The following ZNF682 variants were observed in gnomAD, a reference collection of about 807,000 sequenced individuals.
The protein encoded by ZNF682 is zinc finger protein 682.
Under a neutral mutation model 36.5 loss-of-function variants are expected in ZNF682, and 29 were observed. The ratio of observed to expected loss-of-function variants is 0.80; its 90% confidence interval spans 0.59 to 1.08. ZNF682 has a LOEUF of 1.08. ZNF682 is among the 50% of genes least tolerant of loss of function. The pLI, the probability that ZNF682 is intolerant of heterozygous loss-of-function variation, is 0.00. For missense variants in ZNF682, 561 were observed against 579.7 expected (o/e 0.97, Z 0.33); for synonymous variants, 180 against 197.0 (o/e 0.91, Z 0.72).
Position 20,005,182 on chromosome 19 carries a change from C to T in ZNF682, c.*823G>A, listed in dbSNP as rs922214377. The T allele has an allele frequency of 6.6e-6, 1 of 152,094 alleles. No homozygotes were observed. Among genetic ancestry groups the T allele is most frequent in the Non-Finnish European group, 1.5e-5 (1 of 68,042 alleles). 9.4% of individuals were successfully genotyped at this position (152,094 alleles called of 1,614,324 possible). ...CTCCGCCTCTCGGGTTCACGCCATT[C>T]TCCTGCCTCAGCCTCTCCCAGTAGC... On this transcript the variant is annotated 3_prime_UTR_variant, in exon 4 of 4. Coordinates refer to ENST00000397165, the MANE Select transcript of ZNF682 (RefSeq NM_033196.3).
At chr19:20,021,357 GC>G (rs1302187630) in intron 3 of ZNF682, among the ~76,000 whole-genome samples, 1 of 152,112 alleles carries the variant, frequency 6.6e-6, no homozygotes, top group Non-Finnish European at 1.5e-5. Flanking sequence ...TTTGAGACCA[GC>G]CTGTAATCCC....
intron 3 of ZNF682, among the ~76,000 whole-genome samples, chr19:20,011,469 T>A (rs905459996): frequency 6.6e-6 from 1 of 152,174 alleles, no homozygotes; most frequent in Non-Finnish European, 1.5e-5. Context: ...ACCATAGACA[T>A]CTACAGAATA....
At chr19:20,020,963 T>G (rs562820025) in intron 3 of ZNF682, among the ~76,000 whole-genome samples, 5 of 5,268 alleles carry the variant, frequency 9.5e-4, no homozygotes, top group East Asian at 4.9e-3. Flanking sequence ...CTGAAATGAA[T>G]TAAGTTTTGG....
intron 3 of ZNF682, chr19:20,015,645 G>C (rs193234398): frequency 1.0e-5 from 4 of 384,196 alleles, no homozygotes; most frequent in Non-Finnish European, 1.8e-5. Flanking sequence ...ACCATGACTG[G>C]CTATCCATAA....
intron 3 of ZNF682, chr19:20,015,494 T>C (rs560374335): frequency 4.4e-5 from 38 of 871,268 alleles, no homozygotes; most frequent in Non-Finnish European, 5.1e-5. Context: ...ATATAATGAA[T>C]GTCAAATGGC....
At position 20,034,506 on chromosome 19, in the gene ZNF682, C is replaced by T. The variant is rs575591436; in HGVS notation, c.3+4837G>A. Among the ~76,000 whole-genome samples, 13 of 152,252 alleles carry T rather than the reference C, an allele frequency of 8.5e-5. 1 individual carries two copies. The highest frequency in any genetic ancestry group is 1.3e-4 in the Admixed American group (2 of 15,276). ...TAAAATGAAAAAATAGGGCCAGGCG[C>T]GGTGACTCACGCCTGTAATCCCAAC... On this transcript the variant is annotated intron_variant, in intron 1 of 3. Coordinates refer to ENST00000397165, the MANE Select transcript of ZNF682 (RefSeq NM_033196.3).
In ZNF682 at chr19:20,005,159, C is replaced by T. The variant is rs911806994; in HGVS notation, c.*846G>A. The T allele has an allele frequency of 6.6e-6, 1 of 152,092 alleles. No homozygotes were observed. Among genetic ancestry groups the T allele is most frequent in the African/African-American group, 2.4e-5 (1 of 41,408 alleles). 9.4% of individuals were successfully genotyped at this position (152,092 alleles called of 1,614,324 possible). A position where few individuals can be genotyped will look rare whatever the true frequency, so the allele number is the denominator to read the frequency against. ...GCGCGATCTCGGCTCACTGCAAGCTCCGCCTCTCGGGTTCACGCCATTCTC... is the reference window on the plus strand; with the variant it reads ...GCGCGATCTCGGCTCACTGCAAGCTTCGCCTCTCGGGTTCACGCCATTCTC... On this transcript the variant is annotated 3_prime_UTR_variant, in exon 4 of 4. Coordinates refer to ENST00000397165, the MANE Select transcript of ZNF682 (RefSeq NM_033196.3).
At chr19:20,021,105 G>A (rs991083177) in intron 3 of ZNF682, among the ~76,000 whole-genome samples, 1 of 152,102 alleles carries the variant, frequency 6.6e-6, no homozygotes, top group Non-Finnish European at 1.5e-5. Context: ...TAACACTAAT[G>A]GTAACTGATT....
At chr19:20,023,276 A>C (rs2088403355) in intron 2 of ZNF682, among the ~76,000 whole-genome samples, 177 bp from the exon 3 acceptor site, 1 of 152,168 alleles carries the variant, frequency 6.6e-6, no homozygotes, top group Admixed American at 6.5e-5. Flanking sequence ...AAGCAGGCAC[A>C]TCATGAGGTC....
intron 1 of ZNF682, among the ~76,000 whole-genome samples, chr19:20,035,941 G>C (rs149348920): frequency 0.011 from 1,605 of 152,126 alleles, 27 homozygotes; most frequent in African/African-American, 0.037. Flanking sequence ...TCACTATGTT[G>C]GCCAGGCTGG....
At chr19:20,027,480 C>A (rs1160017203) in intron 1 of ZNF682, among the ~76,000 whole-genome samples, 1 of 152,070 alleles carries the variant, frequency 6.6e-6, no homozygotes, top group African/African-American at 2.4e-5. Flanking sequence ...AGCCTGGGGG[C>A]TAGGCGCTAT....
rs1334816933 is a variant in ZNF682, at chr19:20,039,461, G to A, written c.-116C>T. On this transcript the variant is annotated 5_prime_UTR_variant, in exon 1 of 4. Transcript: ENST00000397165. ...GAACTACTAGAGCAGAGGATACTAA[G>A]CAATGAAGATGGACCCTGAGCTCTG... is the stretch of plus-strand genomic sequence containing the variant. 6.4e-6 allele frequency: 9 copies of A among 1,414,230 alleles called. No individual in the cohort carries two copies. In the East Asian group the frequency reaches 2.1e-4, roughly 33 times the overall value. The allele number at this position is 1,414,230 out of a possible 1,614,324, so 87.6% of individuals were successfully genotyped here.
At chr19:19,996,467 G>A (rs1301640438), downstream of ZNF682, among the ~76,000 whole-genome samples, 2 of 152,188 alleles carry the variant, frequency 1.3e-5, no homozygotes, top group East Asian at 3.8e-4. Flanking sequence ...TAAAGAAAAT[G>A]TGGTACAGGT....
chr19:20,023,174 A>G (rs949261516), intron 2 of ZNF682, 75 bp from the exon 3 acceptor site: 60 of 1,284,490 alleles, frequency 4.7e-5, no homozygotes, highest in Non-Finnish European at 5.8e-5. Context: ...TGCTCTGTAG[A>G]TAAGAGAGAA....
rs540951812 is a variant in ZNF682, at chr19:20,005,744, T to C, written c.*261A>G. The C allele has an allele frequency of 1.1e-4, 50 of 453,996 alleles. No individual in the cohort carries two copies. In the South Asian group the frequency reaches 1.8e-3, roughly 17 times the overall value. The allele number at this position is 453,996 out of a possible 1,614,324, so 28.1% of individuals were successfully genotyped here. A position where few individuals can be genotyped will look rare whatever the true frequency, so the allele number is the denominator to read the frequency against. On this transcript the variant is annotated 3_prime_UTR_variant, in exon 4 of 4. Transcript: ENST00000397165. The stretch of plus-strand genomic sequence containing the variant: ...TATCATTACACTTACATTGCTTTTA[T>C]CTAGCACAAAACCTCTGATGAGTAA...
At chr19:20,031,866 A>C (rs368756855) in intron 1 of ZNF682, among the ~76,000 whole-genome samples, 1 of 142,108 alleles carries the variant, frequency 7.0e-6, no homozygotes, top group African/African-American at 2.6e-5. Flanking sequence ...GGCTAAAAAA[A>C]GGGGAATAGA....
chr19:20,020,348 T>A (rs2088373091), intron 3 of ZNF682, among the ~76,000 whole-genome samples: 1 of 151,830 alleles, frequency 6.6e-6, no homozygotes, highest in African/African-American at 2.4e-5. Context: ...AATACAAAAA[T>A]TAGCTGGGCG....
Position 20,024,358 on chromosome 19 carries a change from C to T in ZNF682, c.22G>A (p.Asp8Asn), listed in dbSNP as rs2088413538. ...TCCAGAGAGAATTCTATGGTCACAT[C>T]CCTGAATGTCAACAGTTCCTGAAAA... MELLTFR[D>N]VTIEFSLEEW... The change falls in exon 2 of 4, where the codon GAT (aspartate) becomes AAT (asparagine). Residue 8 changes from aspartate (D) to asparagine (N), a missense_variant. Transcript: ENST00000397165. The T allele has an allele frequency of 6.2e-7, 1 of 1,611,614 alleles. No individual in the cohort carries two copies. Among genetic ancestry groups the T allele is most frequent in the Non-Finnish European group, 8.5e-7 (1 of 1,179,262 alleles).
intron 3 of ZNF682, chr19:20,015,313 T>C (rs547649197): frequency 3.0e-6 from 3 of 985,218 alleles, no homozygotes; most frequent in Non-Finnish European, 3.6e-6. Context: ...AATGTAAATA[T>C]AAGAGTCACA....
Sources: allele counts gnomAD v4.1 joint callset (sites outside exome capture counted in the v4.1 genomes callset), GRCh38; gene constraint gnomAD v4.1.1; transcripts MANE v1.5; gene names NCBI Gene and HGNC (gene_info 2026-07-23, HGNC 2026-07-21).